The following MARCHF1 variants were observed in gnomAD, a reference collection of about 807,000 sequenced individuals.
The protein encoded by MARCHF1 is E3 ubiquitin-protein ligase MARCHF1.
Under a neutral mutation model 54.2 loss-of-function variants are expected in MARCHF1, and 40 were observed. That is an observed-to-expected ratio of 0.74 (90% CI 0.57 to 0.96). MARCHF1 has a LOEUF of 0.96. Ranked by LOEUF, MARCHF1 falls within the 40% of genes least tolerant of loss-of-function variation. MARCHF1 has a pLI of 0.00. For missense variants in MARCHF1, 586 were observed against 656.5 expected, an observed-to-expected ratio of 0.89 and a Z score of 1.17; for synonymous variants, 236 against 236.3, an observed-to-expected ratio of 1.00 and a Z score of 0.01.
intron 1 of MARCHF1, among the ~76,000 whole-genome samples, chr4:164,201,723 G>A (rs566267989): frequency 6.6e-6 from 1 of 152,280 alleles, no homozygotes; most frequent in South Asian, 2.1e-4. Context: ...CAGCTAGAGG[G>A]ATTTGGTGTC....
intron 2 of MARCHF1, among the ~76,000 whole-genome samples, chr4:164,065,856 T>C (rs74286469): frequency 6.6e-6 from 1 of 152,124 alleles, no homozygotes; most frequent in East Asian, 1.9e-4. Flanking sequence ...TGGAAGGAAG[T>C]ATCCGGTGTG....
At chr4:163,975,846 T>G (rs1392657848) in intron 3 of MARCHF1, among the ~76,000 whole-genome samples, 1 of 152,152 alleles carries the variant, frequency 6.6e-6, no homozygotes, top group African/African-American at 2.4e-5. Context: ...TACTTTTTTC[T>G]AACAAACTGG....
chr4:163,790,674 T>C (rs1697284799), intron 4 of MARCHF1, among the ~76,000 whole-genome samples: 1 of 152,142 alleles, frequency 6.6e-6, no homozygotes, highest in African/African-American at 2.4e-5. Flanking sequence ...TTTTTCACAC[T>C]TTAATAGCCC....
intron 1 of MARCHF1, among the ~76,000 whole-genome samples, chr4:164,282,521 C>T (rs1223967923): frequency 4.0e-5 from 6 of 150,836 alleles, no homozygotes; most frequent in Non-Finnish European, 8.8e-5. Flanking sequence ...TACTACTTTC[C>T]CACCATTCAT....
chr4:163,904,378 G>A (rs115452819), intron 3 of MARCHF1, among the ~76,000 whole-genome samples: 2,615 of 152,240 alleles, frequency 0.017, 66 homozygotes, highest in African/African-American at 0.059. Flanking sequence ...GGTTATATTA[G>A]GGCAGGGTTA....
At chr4:163,653,418 G>A (rs1385501076) in intron 5 of MARCHF1, among the ~76,000 whole-genome samples, 6 of 151,662 alleles carry the variant, frequency 4.0e-5, no homozygotes, top group East Asian at 1.9e-4. Flanking sequence ...TGACATGATC[G>A]GATTTATATT....
rs77521672 is a variant in MARCHF1, at chr4:164,181,972, T to C, written c.-322-70310A>G. On this transcript the variant is annotated intron_variant, in intron 1 of 9. Coordinates refer to ENST00000514618, the MANE Select transcript of MARCHF1 (RefSeq NM_001394959.1). The stretch of plus-strand genomic sequence containing the variant: ...AGCTTTTTCTCTTGGGACTCAATCA[T>C]GCATACAACCTATAATAGACAATTC... 3.1e-3 allele frequency among the ~76,000 whole-genome samples: 473 copies of C among 152,268 alleles called. 3 individuals are homozygous for C. Among genetic ancestry groups the C allele is most frequent in the African/African-American group, 0.011 (452 of 41,588 alleles).
At chr4:163,630,585 TA>T (rs1742038784) in intron 5 of MARCHF1, among the ~76,000 whole-genome samples, 1 of 152,328 alleles carries the variant, frequency 6.6e-6, no homozygotes, top group Admixed American at 6.5e-5. Context: ...TAAAGTACTT[TA>T]AATTTCTCCT....
intron 1 of MARCHF1, among the ~76,000 whole-genome samples, chr4:164,133,815 G>C (rs1756349402): frequency 1.3e-5 from 2 of 152,130 alleles, no homozygotes; most frequent in African/African-American, 2.4e-5. Context: ...TAACCCAGAT[G>C]ACCTACTGCA....
At position 163,529,000 on chromosome 4, in the gene MARCHF1, A is replaced by G; in HGVS notation, c.1386T>C (p.Ile462=). 1 of 1,612,348 alleles carries G rather than the reference A, an allele frequency of 6.2e-7. No homozygotes were observed. Among genetic ancestry groups the G allele is most frequent in the Non-Finnish European group, 8.5e-7 (1 of 1,178,972 alleles). Residue 462 remains isoleucine (I), a synonymous_variant, in exon 10 of 10, where the codon ATT becomes ATC. Transcript: ENST00000514618. ...PFWTKLVVVA[I]GFTGGLVFMY... ...TGAAGACAAGACCTCCTGTGAAGCC[A>G]ATGGCTACCACAACCAGTTTTGTCC...
chr4:163,752,062 T>G (rs1026870287), intron 4 of MARCHF1, among the ~76,000 whole-genome samples: 14 of 152,160 alleles, frequency 9.2e-5, no homozygotes, highest in African/African-American at 3.1e-4. Context: ...TGGAAATAAC[T>G]CATAATAGGG....
chr4:163,866,482 A>ATATATATATAT (rs1560794971), intron 3 of MARCHF1, among the ~76,000 whole-genome samples: 4 of 143,246 alleles, frequency 2.8e-5, no homozygotes, highest in South Asian at 2.2e-4. Context: ...ATATATATAT[A>ATATATATATAT]ATAGGACTGT....
At chr4:164,192,297 T>C (rs1176434374) in intron 1 of MARCHF1, among the ~76,000 whole-genome samples, 1 of 152,218 alleles carries the variant, frequency 6.6e-6, no homozygotes, top group Non-Finnish European at 1.5e-5. Flanking sequence ...ACATCATTGC[T>C]TTACTTTCAC....
chr4:163,975,180 T>A (rs1187638576), intron 3 of MARCHF1, among the ~76,000 whole-genome samples: 9 of 146,090 alleles, frequency 6.2e-5, no homozygotes, highest in African/African-American at 2.4e-4. Context: ...TCTCTCTCTC[T>A]CTCTCTCTCT....
chr4:164,239,255 G>A (rs1732657005), intron 1 of MARCHF1, among the ~76,000 whole-genome samples: 2 of 152,056 alleles, frequency 1.3e-5, no homozygotes, highest in Non-Finnish European at 1.5e-5. Context: ...CAAAATGGAT[G>A]TGTCATGATC....
chr4:164,310,245 T>G (rs1180181455), intron 1 of MARCHF1, among the ~76,000 whole-genome samples: 1 of 151,736 alleles, frequency 6.6e-6, no homozygotes, highest in Non-Finnish European at 1.5e-5. Flanking sequence ...GCCCAGCTAA[T>G]TTTTGTATTT....
intron 9 of MARCHF1, among the ~76,000 whole-genome samples, chr4:163,535,952 C>T (rs551142817): frequency 6.6e-6 from 1 of 152,070 alleles, no homozygotes; most frequent in African/African-American, 2.4e-5. Context: ...TATTAGAGGC[C>T]AGGCATGCTG....
At chr4:164,330,184 A>T (rs117938357) in intron 1 of MARCHF1, 1 of 152,136 alleles carries the variant, frequency 6.6e-6, no homozygotes, top group African/African-American at 2.4e-5. Flanking sequence ...TAAAAAAAAA[A>T]AAAAACAAAA....
At chr4:163,770,309 T>C (rs917449552) in intron 4 of MARCHF1, among the ~76,000 whole-genome samples, 6 of 152,146 alleles carry the variant, frequency 3.9e-5, no homozygotes, top group African/African-American at 1.4e-4. Flanking sequence ...TAAGTGATTT[T>C]AAGCCTAAAC....
Sources: gnomAD v4.1 joint callset for allele counts (sites outside exome capture counted in the v4.1 genomes callset) on GRCh38, gnomAD v4.1.1 for gene constraint, MANE v1.5 for transcripts, NCBI Gene and HGNC (gene_info 2026-07-23, HGNC 2026-07-21) for gene names.